Variants in GALNT1 observed in about 807,000 individuals in gnomAD.
The protein encoded by GALNT1 is polypeptide N-acetylgalactosaminyltransferase 1.
In GALNT1, 17 loss-of-function variants were observed where a neutral mutation model predicts 65.7. The ratio of observed to expected loss-of-function variants is 0.26; its 90% CI spans 0.18 to 0.39. The LOEUF (loss-of-function observed/expected upper bound fraction) is 0.39, where lower values mean the gene tolerates loss of function less well. Among genes scored for constraint, GALNT1 ranks in the 10% least tolerant of loss-of-function variants. The pLI, the probability that GALNT1 is intolerant of heterozygous loss-of-function variation, is 1.00. For missense variants in GALNT1, 460 were observed against 672.8 expected, an observed-to-expected ratio of 0.68 and a Z score of 3.50; for synonymous variants, 210 against 219.7, an observed-to-expected ratio of 0.96 and a Z score of 0.39.
rs775875852 is a variant in GALNT1 at position 35,677,608 on chromosome 18, A to G, written c.332A>G (p.Tyr111Cys). The G allele has an allele frequency of 6.2e-7, 1 of 1,612,372 alleles. No individual in the cohort carries two copies. Among genetic ancestry groups the G allele is most frequent in the Non-Finnish European group, 8.5e-7 (1 of 1,179,034 alleles). ...VRLEGCKTKVYPDNLPTTSVV... is the reference protein window; with the variant it reads ...VRLEGCKTKVCPDNLPTTSVV... ...GTCTCTAGGTGTAAAACAAAGGTGTATCCAGATAATCTTCCTACAACAAGT... is the reference window on the plus strand; with the variant it reads ...GTCTCTAGGTGTAAAACAAAGGTGTGTCCAGATAATCTTCCTACAACAAGT... The change falls in exon 4 of 12, where the codon TAT (tyrosine) becomes TGT (cysteine). Residue 111 changes from tyrosine (Y) to cysteine (C), a missense_variant. By Grantham distance (194) the Tyr-to-Cys change is radical (BLOSUM62 -2). Transcript: ENST00000269195.
chr18:35,630,048 T>C (rs2046984126), intron 1 of GALNT1, among the ~76,000 whole-genome samples: 1 of 152,156 alleles, frequency 6.6e-6, no homozygotes. Context: ...GCCAGATTCA[T>C]AAAGCAAGTC....
rs182747732 is a variant in GALNT1 at position 35,583,846 on chromosome 18, A to G, written c.-104+1984A>G. ...TAACTTTCAGTGGGACGCTCCAGCT[A>G]CTCTGACTGGAGTTTTGCTCCTGGC... On this transcript the variant is annotated intron_variant, in intron 1 of 11. Transcript: ENST00000269195. Among the ~76,000 whole-genome samples, 18 of 152,226 alleles carry G rather than the reference A, an allele frequency of 1.2e-4. No homozygotes were observed. In the East Asian group the frequency reaches 2.3e-3, roughly 20 times the overall value.
chr18:35,672,975 A>G (rs2047657122), intron 3 of GALNT1, among the ~76,000 whole-genome samples: 1 of 152,176 alleles, frequency 6.6e-6, no homozygotes. Flanking sequence ...TAAGTGACGC[A>G]AGTGAAATTT....
chr18:35,689,751 TCTAAAATGACTCTAAA>T (rs1364744925), intron 7 of GALNT1, among the ~76,000 whole-genome samples: 2 of 152,194 alleles, frequency 1.3e-5, no homozygotes, highest in African/African-American at 4.8e-5. Context: ...GCGAAAGAAT[TCTAAAATGACTCTAAA>T]TTAATTTAAC....
intron 1 of GALNT1, among the ~76,000 whole-genome samples, chr18:35,608,634 T>A (rs1242646465): frequency 1.3e-5 from 2 of 152,224 alleles, no homozygotes; most frequent in Non-Finnish European, 2.9e-5. Flanking sequence ...GTACTAGGCA[T>A]TGTAGACACA....
At chr18:35,632,167 A>T (rs771002085) in intron 1 of GALNT1, among the ~76,000 whole-genome samples, 1 of 152,206 alleles carries the variant, frequency 6.6e-6, no homozygotes, top group African/African-American at 2.4e-5. Flanking sequence ...TCAAGCTACC[A>T]ATGACTTTCT....
intron 3 of GALNT1, among the ~76,000 whole-genome samples, chr18:35,674,974 C>T (rs1466997172): frequency 8.9e-6 from 1 of 111,950 alleles, no homozygotes; most frequent in African/African-American, 3.4e-5. Context: ...CAGAGCGAGA[C>T]TCCGTCTCAA....
At chr18:35,682,903 CT>C (rs1171383351) in intron 4 of GALNT1, among the ~76,000 whole-genome samples, 3 of 90,114 alleles carry the variant, frequency 3.3e-5, no homozygotes, top group African/African-American at 1.3e-4. Context: ...TTTCTGCCCC[CT>C]GATTAAAAAA....
intron 5 of GALNT1, among the ~76,000 whole-genome samples, chr18:35,685,883 ATGGCGAAACCCC>A (rs2047859955): frequency 6.6e-6 from 1 of 152,182 alleles, no homozygotes; most frequent in South Asian, 2.1e-4. Context: ...TCTGGCCAAC[ATGGCGAAACCCC>A]AGCTCTACTA....
intron 9 of GALNT1, among the ~76,000 whole-genome samples, chr18:35,702,117 G>A (rs1056772006): frequency 2.0e-5 from 3 of 152,146 alleles, no homozygotes; most frequent in Non-Finnish European, 4.4e-5. Context: ...TATGCAGACT[G>A]TATATGTGTT....
At chr18:35,667,461 A>G (rs1246989066) in intron 3 of GALNT1, among the ~76,000 whole-genome samples, 2 of 152,236 alleles carry the variant, frequency 1.3e-5, no homozygotes, top group Admixed American at 6.5e-5. Flanking sequence ...CATAGAAAAG[A>G]AAAATAAAAA....
intron 1 of GALNT1, among the ~76,000 whole-genome samples, chr18:35,619,122 A>G (rs1451772298): frequency 6.6e-6 from 1 of 152,224 alleles, no homozygotes; most frequent in African/African-American, 2.4e-5. Flanking sequence ...GGTACCTGCG[A>G]TAAATCTGTA....
intron 1 of GALNT1, among the ~76,000 whole-genome samples, chr18:35,591,305 C>T (rs1388600984): frequency 2.0e-5 from 3 of 152,160 alleles, no homozygotes; most frequent in Non-Finnish European, 2.9e-5. Flanking sequence ...CTGCCCTATG[C>T]TGTGGTAATA....
chr18:35,652,817 C>T (rs879405265), intron 1 of GALNT1, among the ~76,000 whole-genome samples: 6 of 152,114 alleles, frequency 3.9e-5, no homozygotes, highest in African/African-American at 1.2e-4. Context: ...TGCACCCTTG[C>T]GAAACTTAAG....
At chr18:35,654,513 A>T (rs1403954921) in intron 1 of GALNT1, 47 bp from the exon 2 acceptor site, 1 of 268,642 alleles carries the variant, frequency 3.7e-6, no homozygotes, top group Non-Finnish European at 6.7e-6. Flanking sequence ...TTCACTTTTG[A>T]TGTTCTGAAT....
intron 6 of GALNT1, among the ~76,000 whole-genome samples, chr18:35,688,495 T>G (rs573621582): frequency 6.6e-6 from 1 of 152,312 alleles, no homozygotes; most frequent in South Asian, 2.1e-4. Context: ...TAATAATTTC[T>G]CTGCTTAATT....
At chr18:35,706,553 T>C (rs1308893364) in intron 11 of GALNT1, among the ~76,000 whole-genome samples, 1 of 152,142 alleles carries the variant, frequency 6.6e-6, no homozygotes, top group Admixed American at 6.5e-5. Context: ...GTGTGAAGTT[T>C]TAAAACTTCT....
chr18:35,672,510 A>G (rs1217102026), intron 3 of GALNT1, among the ~76,000 whole-genome samples: 1 of 152,150 alleles, frequency 6.6e-6, no homozygotes, highest in African/African-American at 2.4e-5. Flanking sequence ...TTTGGAACCC[A>G]GAGAAACCTT....
At chr18:35,625,478 G>C (rs762195613) in intron 1 of GALNT1, among the ~76,000 whole-genome samples, 49 of 152,186 alleles carry the variant, frequency 3.2e-4, no homozygotes, top group Non-Finnish European at 5.6e-4. Flanking sequence ...CTGAGAAAGA[G>C]ACTTGTGTTG....
Sources: gnomAD v4.1 joint callset for allele counts (sites outside exome capture counted in the v4.1 genomes callset) on GRCh38, gnomAD v4.1.1 for gene constraint, MANE v1.5 for transcripts, NCBI Gene and HGNC (gene_info 2026-07-23, HGNC 2026-07-21) for gene names.